LAMA4: variants seen among roughly 807,000 people sequenced by gnomAD.
LAMA4 encodes laminin subunit alpha-4.
A neutral mutation model predicts 207.1 loss-of-function variants in LAMA4; 127 were observed. That is an observed-to-expected ratio of 0.61 (90% CI 0.53 to 0.71). LAMA4 has a LOEUF of 0.71. Among genes scored for constraint, LAMA4 ranks in the 30% least tolerant of loss-of-function variants. The pLI, the probability that LAMA4 is intolerant of heterozygous loss-of-function variation, is 0.00. For missense variants in LAMA4, 2,093 were observed against 2,246.5 expected, an observed-to-expected ratio of 0.93 and a Z score of 1.38; for synonymous variants, 761 against 816.0, an observed-to-expected ratio of 0.93 and a Z score of 1.15.
Position 112,150,541 on chromosome 6 carries a change from C to A in LAMA4, c.2143G>T (p.Ala715Ser), listed in dbSNP as rs140710429. Residue 715 changes from alanine (A) to serine (S), a missense_variant, in exon 17 of 39, where the codon GCC becomes TCC. By Grantham distance (99) the Ala-to-Ser change is moderately conservative. This residue lies in a region of LAMA4 where 1,704 missense variants were observed against 1,788.4 expected (regional missense o/e 0.95). Transcript: ENST00000230538. ...KSALKTRLSDAVKQLQAAERG... is the reference protein window; with the variant it reads ...KSALKTRLSDSVKQLQAAERG... ...TCTGCTGCTTGTAGTTGCTTAACGGCATCACTGAGTCTGGTTTTAAGGGCA... is the reference window on the plus strand; with the variant it reads ...TCTGCTGCTTGTAGTTGCTTAACGGAATCACTGAGTCTGGTTTTAAGGGCA... 171 of 1,613,274 alleles carry A rather than the reference C, an allele frequency of 1.1e-4. No homozygotes were observed. The highest frequency in any genetic ancestry group is 1.4e-4 in the Non-Finnish European group (165 of 1,179,368).
intron 2 of LAMA4, among the ~76,000 whole-genome samples, chr6:112,239,907 C>G (rs1786263756): frequency 6.6e-6 from 1 of 151,888 alleles, no homozygotes; most frequent in Non-Finnish European, 1.5e-5. Flanking sequence ...ACTAAAAACA[C>G]AAAAAAATTA....
At chr6:112,219,075 AG>A (rs1784788925) in intron 2 of LAMA4, 1 of 152,210 alleles carries the variant, frequency 6.6e-6, no homozygotes, top group African/African-American at 2.4e-5. Context: ...TGTTTCCTTT[AG>A]GTGGAAATAT....
At chr6:112,253,476 A>T in intron 2 of LAMA4, 1 of 388,972 alleles carries the variant, frequency 2.6e-6, no homozygotes, top group East Asian at 6.2e-5. Context: ...AGCCACTCTC[A>T]CTCACCCCCT....
intron 4 of LAMA4, among the ~76,000 whole-genome samples, chr6:112,202,124 TTATAA>T (rs1173791574): frequency 2.0e-5 from 3 of 152,314 alleles, no homozygotes; most frequent in African/African-American, 7.2e-5. Flanking sequence ...CTCCACAGAA[TTATAA>T]TTTCTTTCAT....
Position 112,139,799 on chromosome 6 carries a change from A to T in LAMA4, c.3063T>A (p.Phe1021Leu). The change falls in exon 23 of 39, where the codon TTT becomes TTA. Residue 1021 changes from phenylalanine to leucine, a missense_variant. By Grantham distance (22) the Phe-to-Leu change is conservative (BLOSUM62 0). Around this residue, in one of 3 missense-constraint regions of LAMA4, gnomAD observed 1,704 missense variants for 1,788.4 expected, o/e 0.95. Coordinates refer to ENST00000230538, the MANE Select transcript of LAMA4 (RefSeq NM_001105206.3). ...LNNDVISLYN[F>L]KHIYNMDPST... Reference sequence around the variant, plus strand: ...AGGGGTCCATATTATAGATGTGCTTAAAGTTGTACAAGCTGATCACATCAT... The same window carrying T: ...AGGGGTCCATATTATAGATGTGCTTTAAGTTGTACAAGCTGATCACATCAT... The T allele has an allele frequency of 6.2e-7, 1 of 1,614,076 alleles. No homozygotes were observed. The highest frequency in any genetic ancestry group is 8.5e-7 in the Non-Finnish European group (1 of 1,179,926).
intron 18 of LAMA4, among the ~76,000 whole-genome samples, chr6:112,147,278 G>A (rs1554334727): frequency 6.6e-6 from 1 of 152,134 alleles, no homozygotes; most frequent in African/African-American, 2.4e-5. Flanking sequence ...ACTTCCTTGA[G>A]TGGTTACATG....
intron 2 of LAMA4, among the ~76,000 whole-genome samples, chr6:112,228,479 A>C (rs998904014): frequency 6.6e-5 from 10 of 152,172 alleles, no homozygotes; most frequent in African/African-American, 1.2e-4. Flanking sequence ...ATCAAAATTC[A>C]CCTAAGAGAG....
rs1483274277 is a variant in LAMA4 at position 112,254,493 on chromosome 6, GC to G, written c.-177del. 20 of 385,330 alleles carry G rather than the reference GC, an allele frequency of 5.2e-5. No individual in the cohort carries two copies. Among genetic ancestry groups the G allele is most frequent in the Non-Finnish European group, 8.9e-5 (18 of 203,310 alleles). 23.9% of individuals were successfully genotyped at this position (385,330 alleles called of 1,614,324 possible). On this transcript the variant is annotated 5_prime_UTR_variant, in exon 1 of 39. Transcript: ENST00000230538. ...TCAAAAGGCAGACGGATTGGGGTGA[GC>G]CCCGCCAGCGCTAGGCCACCTCCTC... is the stretch of plus-strand genomic sequence containing the variant.
rs17073591 is a variant in LAMA4 at position 112,230,562 on chromosome 6, A to G, written c.196-14093T>C. Among the ~76,000 whole-genome samples, 1,358 of 152,304 alleles carry G rather than the reference A, an allele frequency of 8.9e-3. 19 individuals are homozygous for G. The highest frequency in any genetic ancestry group is 0.03 in the African/African-American group (1,266 of 41,554). On this transcript the variant is annotated intron_variant, in intron 2 of 38. Transcript: ENST00000230538. ...TTAATGTTCAATATAAAGGCATAGA[A>G]ATTGTTCTGTAACTATTAGTTTCTT... is the stretch of plus-strand genomic sequence containing the variant.
At chr6:112,191,129 C>T (rs1783095359) in intron 6 of LAMA4, among the ~76,000 whole-genome samples, 1 of 151,698 alleles carries the variant, frequency 6.6e-6, no homozygotes. Flanking sequence ...CTATAGGCAC[C>T]CACCACCATG....
intron 2 of LAMA4, among the ~76,000 whole-genome samples, chr6:112,250,017 G>T (rs1000208755): frequency 1.3e-5 from 2 of 152,152 alleles, no homozygotes; most frequent in African/African-American, 2.4e-5. Context: ...GCAAAGATGA[G>T]ACTATACCTT....
At chr6:112,217,217 C>T (rs1466562835) in intron 2 of LAMA4, among the ~76,000 whole-genome samples, 1 of 152,070 alleles carries the variant, frequency 6.6e-6, no homozygotes, top group African/African-American at 2.4e-5. Flanking sequence ...CATCAGCTGC[C>T]CTCCCCAGAT....
rs371025460 is a variant in LAMA4, at chr6:112,116,315, G to C, written c.4982-322C>G. Among the ~76,000 whole-genome samples, 8 of 152,228 alleles carry C rather than the reference G, an allele frequency of 5.3e-5. No individual in the cohort carries two copies. The East Asian group carries it at 1.5e-3, about 29-fold the overall frequency. On this transcript the variant is annotated intron_variant, in intron 35 of 38. Transcript: ENST00000230538. ...GTATTTCACAAGTGAGGAGGACAGGGCAATCTGGGCAGAGGAAGTAGACTC... is the reference window on the plus strand; with the variant it reads ...GTATTTCACAAGTGAGGAGGACAGGCCAATCTGGGCAGAGGAAGTAGACTC...
intron 3 of LAMA4, among the ~76,000 whole-genome samples, chr6:112,211,630 T>A (rs1053047322): frequency 1.2e-4 from 19 of 152,114 alleles, no homozygotes; most frequent in African/African-American, 4.6e-4. Context: ...GGGACAAAGA[T>A]GAGGGAAAGG....
Position 112,128,974 on chromosome 6 carries a change from A to G in LAMA4, c.4235T>C (p.Leu1412Pro), listed in dbSNP as rs376369192. Residue 1412 changes from leucine (L) to proline (P), a missense_variant, in exon 31 of 39, where the codon CTC becomes CCC. Transcript: ENST00000230538. ...GGATAAATTTTTTCCTTTTTTATGGAGGAGAAACAATGGTGAAGACTCAAT... is the reference window on the plus strand; with the variant it reads ...GGATAAATTTTTTCCTTTTTTATGGGGGAGAAACAATGGTGAAGACTCAAT... ...CPIESSPLFL[L>P]HKKGKNLSKP... is the part of the protein sequence containing the mutation. 1.5e-5 allele frequency: 25 copies of G among 1,613,142 alleles called. No individual in the cohort carries two copies. Among genetic ancestry groups the G allele is most frequent in the Non-Finnish European group, 2.0e-5 (24 of 1,179,406 alleles).
At chr6:112,191,412 C>A (rs1554348952) in intron 6 of LAMA4, among the ~76,000 whole-genome samples, 1 of 152,198 alleles carries the variant, frequency 6.6e-6, no homozygotes, top group East Asian at 1.9e-4. Context: ...GTGTTTGTGT[C>A]TCCTAGTTTA....
At chr6:112,111,073 C>T (rs1310716545) in intron 38 of LAMA4, among the ~76,000 whole-genome samples, 1 of 152,150 alleles carries the variant, frequency 6.6e-6, no homozygotes, top group African/African-American at 2.4e-5. Flanking sequence ...CAGAGTCTCA[C>T]TTTGTGGCCC....
intron 9 of LAMA4, among the ~76,000 whole-genome samples, chr6:112,180,947 C>A (rs1782321586): frequency 6.6e-6 from 1 of 152,214 alleles, no homozygotes; most frequent in Non-Finnish European, 1.5e-5. Context: ...ACATCTCTAT[C>A]TGCCCTCTGT....
intron 5 of LAMA4, among the ~76,000 whole-genome samples, chr6:112,199,492 GC>G (rs1449463799): frequency 6.6e-6 from 1 of 152,134 alleles, no homozygotes; most frequent in Non-Finnish European, 1.5e-5. Flanking sequence ...TAAATCAGGT[GC>G]CTCCTATTCC....
Sources: gnomAD v4.1 joint callset for allele counts (sites outside exome capture counted in the v4.1 genomes callset) on GRCh38, gnomAD v4.1.1 for gene constraint, gnomAD v4.1.1 regional missense constraint, MANE v1.5 for transcripts, NCBI Gene and HGNC (gene_info 2026-07-23, HGNC 2026-07-21) for gene names.